ATR: variants seen among roughly 807,000 people sequenced by gnomAD.
The protein encoded by ATR is serine/threonine-protein kinase ATR.
A neutral mutation model predicts 305.3 loss-of-function variants in ATR; 142 were observed. The observed-to-expected ratio is 0.47, with a 90% confidence interval of 0.41 to 0.53. The LOEUF (loss-of-function observed/expected upper bound fraction) is 0.53. Among genes scored for constraint, ATR ranks in the 20% least tolerant of loss-of-function variants. The pLI, the probability that ATR is intolerant of heterozygous loss-of-function variation, is 0.00. For synonymous variants in ATR, 1,050 were observed against 1,068.1 expected (o/e 0.98, Z 0.33); for missense variants, 2,135 against 3,133.1 (o/e 0.68, Z 7.60).
chr3:142,544,285 C>A (rs2034174314), intron 16 of ATR, among the ~76,000 whole-genome samples: 1 of 150,772 alleles, frequency 6.6e-6, no homozygotes, highest in Non-Finnish European at 1.5e-5. Flanking sequence ...TGGCAAAACC[C>A]CATCTCTACA....
At chr3:142,530,602 G>A (rs1318986275) in intron 21 of ATR, among the ~76,000 whole-genome samples, 3 of 152,178 alleles carry the variant, frequency 2.0e-5, no homozygotes, top group Non-Finnish European at 2.9e-5. Flanking sequence ...ATAGTGAAGT[G>A]CAGTTTTCTT....
intron 44 of ATR, 88 bp from the exon 45 acceptor site, chr3:142,457,843 C>G (rs961808868): frequency 2.6e-5 from 36 of 1,408,110 alleles, no homozygotes; most frequent in Non-Finnish European, 2.9e-5. Context: ...ATTCTTTTAG[C>G]AAAAAGCAAA....
rs541709314 is a variant in ATR, at chr3:142,453,031, C to A, written c.7761+97G>T. On this transcript the variant is annotated intron_variant, in intron 46 of 46. Coordinates refer to ENST00000350721, the MANE Select transcript of ATR (RefSeq NM_001184.4). ...AATAGTCACTAACAGTATTTCCAAG[C>A]AGTTCTCATGCATAGAGATGAGAAC... is the stretch of plus-strand genomic sequence containing the variant. 53 of 1,572,936 alleles carry A rather than the reference C, an allele frequency of 3.4e-5. No individual in the cohort carries two copies. The East Asian group carries it at 1.2e-3, about 36-fold the overall frequency.
At chr3:142,537,989 T>C (rs1183925876) in intron 19 of ATR, among the ~76,000 whole-genome samples, 1 of 152,194 alleles carries the variant, frequency 6.6e-6, no homozygotes, top group Admixed American at 6.6e-5. Context: ...AATCTCAGAA[T>C]GCCTTTGTAT....
chr3:142,517,962 A>C (rs2032939344), intron 24 of ATR, among the ~76,000 whole-genome samples: 1 of 152,158 alleles, frequency 6.6e-6, no homozygotes, highest in African/African-American at 2.4e-5. Context: ...AAGTGGGTAA[A>C]ATTATCCATG....
chr3:142,470,676 A>T (rs1156425141), intron 36 of ATR, among the ~76,000 whole-genome samples: 1 of 152,144 alleles, frequency 6.6e-6, no homozygotes, highest in African/African-American at 2.4e-5. Context: ...CAATACCTAC[A>T]TATTAAAACT....
chr3:142,472,727 T>C, intron 36 of ATR, among the ~76,000 whole-genome samples: 1 of 152,148 alleles, frequency 6.6e-6, no homozygotes, highest in Admixed American at 6.5e-5. Context: ...AACCTCCACC[T>C]CCTAGGCTAA....
chr3:142,562,458 G>A lies in ATR; in HGVS notation c.944C>T (p.Pro315Leu), dbSNP rs2108487319. The change falls in exon 4 of 47, where the codon CCT becomes CTT. Residue 315 changes from proline to leucine, a missense_variant. Coordinates refer to ENST00000350721, the MANE Select transcript of ATR (RefSeq NM_001184.4). ...TTCCAGCAGCATATTTAAATAGACA[G>A]GTTCAATATTTCTATAAGCTTCTGC... Reference protein sequence around the residue: ...FEAEAYRNIEPVYLNMLLEKL... With the variant: ...FEAEAYRNIELVYLNMLLEKL... 6.2e-7 allele frequency: 1 copy of A among 1,614,068 alleles called. No individual in the cohort carries two copies.
In ATR at chr3:142,499,661, T is replaced by A; in HGVS notation, c.5346A>T (p.Ser1782=). The part of the protein sequence containing the change: ...TYRVEAAWKL[S]QWDLVENYLA... Reference sequence around the variant, plus strand: ...AATAGTTTTCCACCAAATCCCACTGTGACAATTTCCAAGCTGCTTCCACTC... The same window carrying A: ...AATAGTTTTCCACCAAATCCCACTGAGACAATTTCCAAGCTGCTTCCACTC... Residue 1782 remains serine (S), a synonymous_variant, in exon 31 of 47, where the codon TCA becomes TCT. Coordinates refer to ENST00000350721, the MANE Select transcript of ATR (RefSeq NM_001184.4). The A allele has an allele frequency of 6.2e-7, 1 of 1,614,132 alleles. No individual in the cohort carries two copies. The highest frequency in any genetic ancestry group is 1.1e-5 in the South Asian group (1 of 91,068).
At chr3:142,477,588 A>AG (rs2029972791) in intron 36 of ATR, among the ~76,000 whole-genome samples, 1 of 152,198 alleles carries the variant, frequency 6.6e-6, no homozygotes, top group Non-Finnish European at 1.5e-5. Context: ...CTTTGGTATC[A>AG]GGATGATGCT....
chr3:142,503,225 G>T, intron 30 of ATR, 137 bp downstream of exon 30: 2 of 615,386 alleles, frequency 3.2e-6, no homozygotes, highest in Non-Finnish European at 2.8e-6. Flanking sequence ...AAAAAAAAAT[G>T]TTGGTGCTTA....
At position 142,558,523 on chromosome 3, in the gene ATR, A is replaced by AAAATAAATAAATAAAT. The variant is rs56661838; in HGVS notation, c.1885+85_1885+100dup. On this transcript the variant is annotated intron_variant, in intron 8 of 46. Transcript: ENST00000350721. ...GGCGACAGAGTAAGACTCCGTCTCAAAAATAAATAAATAAATAAATAAATA... is the reference window on the plus strand; with the variant it reads ...GGCGACAGAGTAAGACTCCGTCTCAAAAATAAATAAATAAATAAATAAATAAATAAATAAATAAATA... The AAAATAAATAAATAAAT allele has an allele frequency of 5.5e-6, 4 of 731,244 alleles. No individual in the cohort carries two copies. In the African/African-American group the frequency reaches 6.2e-5, roughly 11 times the overall value. The allele number at this position is 731,244 out of a possible 1,614,324, so 45.3% of individuals were successfully genotyped here.
intron 42 of ATR, 68 bp from the exon 43 acceptor site, chr3:142,459,451 T>C: frequency 6.4e-7 from 1 of 1,556,080 alleles, no homozygotes; most frequent in Non-Finnish European, 8.8e-7. Flanking sequence ...TTTTTTTTGT[T>C]AAAATTGGAC....
chr3:142,457,013 C>T lies in ATR; in HGVS notation c.7655+591G>A, dbSNP rs1457992209. On this transcript the variant is annotated intron_variant, in intron 45 of 46. Coordinates refer to ENST00000350721, the MANE Select transcript of ATR (RefSeq NM_001184.4). ...AAAACTTGTGCACAATGTTCACAGCCACACTATTTATAATACACAAAAGGT... is the reference window on the plus strand; with the variant it reads ...AAAACTTGTGCACAATGTTCACAGCTACACTATTTATAATACACAAAAGGT... Among the ~76,000 whole-genome samples the T allele has an allele frequency of 2.0e-5, 3 of 152,126 alleles. No homozygotes were observed. In the East Asian group the frequency reaches 5.8e-4, roughly 29 times the overall value.
At chr3:142,474,585 T>C (rs147829038) in intron 36 of ATR, among the ~76,000 whole-genome samples, 322 of 152,332 alleles carry the variant, frequency 2.1e-3, no homozygotes, top group Non-Finnish European at 3.6e-3. Context: ...CTTTATATCC[T>C]GCAACTTTAT....
chr3:142,454,437 C>CTTGTTTTTTTTTTT (rs2070859374), intron 45 of ATR, among the ~76,000 whole-genome samples: 1 of 101,470 alleles, frequency 9.9e-6, no homozygotes, highest in African/African-American at 5.0e-5. Context: ...TGATAGACAG[C>CTTGTTTTTTTTTTT]TTTTTTTTTT....
intron 25 of ATR, 44 bp downstream of exon 25, chr3:142,515,351 T>C (rs1396932780): frequency 6.2e-7 from 1 of 1,610,126 alleles, no homozygotes; most frequent in East Asian, 2.2e-5. Flanking sequence ...TCTGGTTTCC[T>C]TTAGAATTTC....
At position 142,568,693 on chromosome 3, in the gene ATR, G is replaced by A. The variant is rs181181368; in HGVS notation, c.60-539C>T. On this transcript the variant is annotated intron_variant, in intron 1 of 46. Transcript: ENST00000350721. Reference sequence around the variant, plus strand: ...CCCTGCTCTTTCCAGGGCCGGGAAGGCCCCCTGCCCTCACAGACTTGGAAA... The same window carrying A: ...CCCTGCTCTTTCCAGGGCCGGGAAGACCCCCTGCCCTCACAGACTTGGAAA... Among the ~76,000 whole-genome samples the A allele has an allele frequency of 1.7e-3, 254 of 152,342 alleles. 2 individuals are homozygous for A. Among genetic ancestry groups the A allele is most frequent in the African/African-American group, 5.7e-3 (239 of 41,580 alleles).
intron 46 of ATR, chr3:142,450,835 C>A: frequency 7.3e-7 from 1 of 1,369,130 alleles, no homozygotes; most frequent in South Asian, 1.5e-5. Flanking sequence ...AGCTTCCGTT[C>A]AGTTGCCATT....
Sources: allele counts gnomAD v4.1 joint callset (sites outside exome capture counted in the v4.1 genomes callset), GRCh38; gene constraint gnomAD v4.1.1; transcripts MANE v1.5; gene names NCBI Gene and HGNC (gene_info 2026-07-23, HGNC 2026-07-21).